HIVEP3: variants seen among roughly 807,000 people sequenced by gnomAD.
HIVEP3 encodes HIVEP zinc finger 3.
HIVEP3 carries 49 observed loss-of-function variants against 152.8 expected under a neutral mutation model. The ratio of observed to expected loss-of-function variants is 0.32; its 90% CI spans 0.26 to 0.41. The LOEUF (loss-of-function observed/expected upper bound fraction) is 0.41, where lower values mean the gene tolerates loss of function less well. Ranked by LOEUF, HIVEP3 falls within the 10% of genes least tolerant of loss-of-function variation. The probability of loss-of-function intolerance (pLI) is 1.00; values close to 1 mark genes in which losing one functional copy is unlikely to be tolerated. For missense variants in HIVEP3, 2,790 were observed against 3,103.3 expected, an observed-to-expected ratio of 0.90 and a Z score of 2.40; for synonymous variants, 1,269 against 1,289.0, an observed-to-expected ratio of 0.98 and a Z score of 0.33.
intron 1 of HIVEP3, among the ~76,000 whole-genome samples, chr1:41,771,445 C>T (rs1648362290): frequency 6.6e-6 from 1 of 152,208 alleles, no homozygotes; most frequent in Admixed American, 6.5e-5. Context: ...TCCTCCGGAG[C>T]TCAGGCCTGC....
chr1:41,951,534 C>T (rs1645107284), intron 1 of HIVEP3, among the ~76,000 whole-genome samples: 2 of 152,086 alleles, frequency 1.3e-5, no homozygotes, highest in African/African-American at 4.8e-5. Context: ...AAACTGTAAA[C>T]TTACTATATG....
chr1:41,684,137 G>A (rs1323345510), intron 2 of HIVEP3, among the ~76,000 whole-genome samples: 1 of 152,220 alleles, frequency 6.6e-6, no homozygotes, highest in African/African-American at 2.4e-5. Context: ...AGGGTCATGA[G>A]GGGAGGTGGG....
In HIVEP3 at chr1:41,807,775, T is replaced by G. The variant is rs349446; in HGVS notation, c.-800-106780A>C. Among the ~76,000 whole-genome samples the G allele has an allele frequency of 3.4e-3, 512 of 152,316 alleles. 3 individuals are homozygous for G. Among genetic ancestry groups the G allele is most frequent in the African/African-American group, 0.012 (496 of 41,560 alleles). On this transcript the variant is annotated intron_variant, in intron 1 of 8. Coordinates refer to ENST00000372583, the MANE Select transcript of HIVEP3 (RefSeq NM_024503.5). ...TAACCCCATCTGGGGAAGCATTTCA[T>G]GACGGTTGTGATGCTTGCCCTGGAT...
chr1:41,818,812 A>G (rs1642496241), intron 1 of HIVEP3, among the ~76,000 whole-genome samples: 1 of 152,148 alleles, frequency 6.6e-6, no homozygotes, highest in South Asian at 2.1e-4. Flanking sequence ...CCCCTTCTTC[A>G]TTCCCTCCCC....
rs151007484 is a variant in HIVEP3 at position 41,960,533 on chromosome 1, A to T, written n.120-42009T>A. On this transcript the variant is annotated intron_variant and non_coding_transcript_variant, in intron 1 of 3. Transcript: ENST00000489103. ...CAAGACAGGACAACCTGTATGGCAC[A>T]TCTCACACTCTAGAGCTCCTCGAAG... Among the ~76,000 whole-genome samples, 1,227 of 152,290 alleles carry T rather than the reference A, an allele frequency of 8.1e-3. 15 individuals are homozygous for T. The highest frequency in any genetic ancestry group is 0.028 in the African/African-American group (1,180 of 41,548).
rs751233113 is a variant in HIVEP3 at position 41,513,506 on chromosome 1, G to A, written c.5715C>T (p.Ala1905=). ...SPILGPQPPD[A]PASGTEATRG... ...GTGTAGCCTCCGTGCCAGAGGCGGGGGCATCTGGGGGCTGAGGGCCCAGGA... is the reference window on the plus strand; with the variant it reads ...GTGTAGCCTCCGTGCCAGAGGCGGGAGCATCTGGGGGCTGAGGGCCCAGGA... The change falls in exon 8 of 9, where the codon GCC becomes GCT. Residue 1905 remains alanine (A), a synonymous_variant. Coordinates refer to ENST00000372583, the MANE Select transcript of HIVEP3 (RefSeq NM_024503.5). 1.2e-6 allele frequency: 2 copies of A among 1,604,710 alleles called. No individual in the cohort carries two copies. Among genetic ancestry groups the A allele is most frequent in the Non-Finnish European group, 8.5e-7 (1 of 1,175,880 alleles).
chr1:41,753,760 C>T (rs558977266), intron 1 of HIVEP3, among the ~76,000 whole-genome samples: 7 of 152,004 alleles, frequency 4.6e-5, no homozygotes, highest in African/African-American at 9.7e-5. Flanking sequence ...ACTAGGTGGC[C>T]GTTCATTTTC....
intron 1 of HIVEP3, among the ~76,000 whole-genome samples, chr1:41,971,160 AG>A (rs1221975146): frequency 6.6e-6 from 1 of 152,228 alleles, no homozygotes; most frequent in Admixed American, 6.5e-5. Context: ...GCCACACCGC[AG>A]GGTATTCTGT....
intron 1 of HIVEP3, among the ~76,000 whole-genome samples, chr1:41,779,541 G>A (rs556798923): frequency 6.6e-5 from 10 of 152,200 alleles, no homozygotes; most frequent in Non-Finnish European, 1.5e-4. Context: ...TGCCCAGCAG[G>A]CGGGAGTGCA....
At chr1:41,587,884 C>T (rs144602226) in intron 3 of HIVEP3, among the ~76,000 whole-genome samples, 300 of 152,330 alleles carry the variant, frequency 2.0e-3, no homozygotes, top group South Asian at 9.7e-3. Context: ...GCCCCTAGTC[C>T]TATGGAAGCA....
At chr1:41,946,189 G>A (rs569157237) in intron 1 of HIVEP3, among the ~76,000 whole-genome samples, 22 of 152,252 alleles carry the variant, frequency 1.4e-4, no homozygotes, top group African/African-American at 4.1e-4. Context: ...GAAATAAGCC[G>A]CCCCTCGTCC....
At chr1:41,791,855 T>C (rs1321303399) in intron 1 of HIVEP3, among the ~76,000 whole-genome samples, 1 of 150,350 alleles carries the variant, frequency 6.7e-6, no homozygotes, top group African/African-American at 2.5e-5. Flanking sequence ...CCACACCTAC[T>C]AATCTAATTT....
At chr1:41,727,596 C>T (rs1214677680) in intron 1 of HIVEP3, among the ~76,000 whole-genome samples, 2 of 152,238 alleles carry the variant, frequency 1.3e-5, no homozygotes, top group African/African-American at 2.4e-5. Flanking sequence ...CTGAGGGGCG[C>T]GGCGCCGCCG....
At chr1:41,637,863 T>TG (rs1490836015) in intron 2 of HIVEP3, among the ~76,000 whole-genome samples, 1 of 152,128 alleles carries the variant, frequency 6.6e-6, no homozygotes, top group Admixed American at 6.5e-5. Context: ...CAGAGCAGAA[T>TG]GGGGGGTCAG....
intron 1 of HIVEP3, among the ~76,000 whole-genome samples, chr1:41,807,640 C>A (rs1650714518): frequency 6.6e-6 from 1 of 152,180 alleles, no homozygotes; most frequent in South Asian, 2.1e-4. Flanking sequence ...GCCTGCGTGT[C>A]TCTGGGGCTG....
intron 5 of HIVEP3, among the ~76,000 whole-genome samples, chr1:41,531,578 G>A (rs1207225783): frequency 5.5e-5 from 3 of 54,094 alleles, no homozygotes; most frequent in Non-Finnish European, 1.1e-4. Context: ...CAGGGGAGAT[G>A]GAGGACAGGA....
At chr1:41,906,352 T>C (rs1040843112) in intron 1 of HIVEP3, among the ~76,000 whole-genome samples, 4 of 151,716 alleles carry the variant, frequency 2.6e-5, no homozygotes, top group African/African-American at 9.7e-5. Context: ...TGGAATACCA[T>C]TCAGCCACAC....
intron 6 of HIVEP3, among the ~76,000 whole-genome samples, chr1:41,520,807 C>G (rs1321170733): frequency 6.6e-6 from 1 of 152,220 alleles, no homozygotes; most frequent in African/African-American, 2.4e-5. Flanking sequence ...TGTAATTCAA[C>G]CCCCGCCAGG....
Position 41,510,730 on chromosome 1 carries a change from G to C in HIVEP3, c.6942C>G (p.Thr2314=). Residue 2314 remains threonine (T), a synonymous_variant, in exon 9 of 9, where the codon ACC becomes ACG. Coordinates refer to ENST00000372583, the MANE Select transcript of HIVEP3 (RefSeq NM_024503.5). ...PTHSPCTPPD[T]LPRPPQGRRA... is the part of the protein sequence containing the mutation. ...GGCGTCCCTGGGGCGGCCGGGGCAA[G>C]GTGTCGGGTGGGGTGCAGGGGCTGT... 1 of 1,551,488 alleles carries C rather than the reference G, an allele frequency of 6.4e-7. No homozygotes were observed. Among genetic ancestry groups the C allele is most frequent in the Non-Finnish European group, 8.7e-7 (1 of 1,148,538 alleles).
Sources: gnomAD v4.1 joint callset for allele counts (sites outside exome capture counted in the v4.1 genomes callset) on GRCh38, gnomAD v4.1.1 for gene constraint, MANE v1.5 for transcripts, NCBI Gene and HGNC (gene_info 2026-07-23, HGNC 2026-07-21) for gene names.